TMEM65: variants seen among roughly 807,000 people sequenced by gnomAD.
The protein encoded by TMEM65 is transmembrane protein 65.
A neutral mutation model predicts 25.4 loss-of-function variants in TMEM65; 22 were observed. The ratio of observed to expected loss-of-function variants is 0.86; its 90% CI spans 0.62 to 1.23. The LOEUF (loss-of-function observed/expected upper bound fraction) is 1.23, where lower values mean the gene tolerates loss of function less well. Ranked by LOEUF, TMEM65 falls within the 50% of genes most tolerant of loss-of-function variation. The pLI is 0.00. For synonymous variants in TMEM65, 132 were observed against 126.2 expected (o/e 1.05, Z -0.31); for missense variants, 262 against 308.2 (o/e 0.85, Z 1.12).
intron 6 of TMEM65, among the ~76,000 whole-genome samples, chr8:124,315,498 T>G (rs1463397728): frequency 6.6e-6 from 1 of 152,006 alleles, no homozygotes; most frequent in East Asian, 1.9e-4. Flanking sequence ...ATTTTTTGTA[T>G]TTTTAGTAGA....
intron 1 of TMEM65, among the ~76,000 whole-genome samples, chr8:124,342,869 T>A (rs1221059026): frequency 4.6e-5 from 7 of 152,176 alleles, no homozygotes; most frequent in Non-Finnish European, 1.0e-4. Flanking sequence ...TAATGAATCA[T>A]TTGACCACTT....
chr8:124,358,761 G>C (rs1029973108), intron 1 of TMEM65, among the ~76,000 whole-genome samples: 1 of 152,112 alleles, frequency 6.6e-6, no homozygotes, highest in Non-Finnish European at 1.5e-5. Flanking sequence ...TTAACAGATG[G>C]TGTCAGAAGT....
chr8:124,352,532 TAAAA>T (rs1285235573), intron 1 of TMEM65, among the ~76,000 whole-genome samples: 5 of 134,540 alleles, frequency 3.7e-5, no homozygotes, highest in Admixed American at 7.1e-5. Context: ...TAAAATAAAA[TAAAA>T]TAAAAATACA....
At chr8:124,369,659 ATTG>A (rs1225845511) in intron 1 of TMEM65, among the ~76,000 whole-genome samples, 2 of 152,214 alleles carry the variant, frequency 1.3e-5, no homozygotes, top group Non-Finnish European at 1.5e-5. Context: ...CTGGAAAAAA[ATTG>A]TTGATTTCAG....
rs1056233182 is a variant in TMEM65, at chr8:124,336,443, A to G, written c.305-5651T>C. Among the ~76,000 whole-genome samples the G allele has an allele frequency of 3.9e-5, 6 of 152,188 alleles. No homozygotes were observed. The South Asian group carries it at 1.2e-3, about 31-fold the overall frequency. On this transcript the variant is annotated intron_variant, in intron 1 of 6. Coordinates refer to ENST00000297632, the MANE Select transcript of TMEM65 (RefSeq NM_194291.3). ...GTGCAGATGGCACATTCCTCAAAAT[A>G]GAACATATGCTGATCCACAAAACAT...
At chr8:124,323,832 T>C (rs1462515811) in intron 3 of TMEM65, among the ~76,000 whole-genome samples, 12 of 152,090 alleles carry the variant, frequency 7.9e-5, no homozygotes, top group Admixed American at 7.2e-4. Context: ...ATTATCCTTA[T>C]AACACTTAGC....
intron 3 of TMEM65, among the ~76,000 whole-genome samples, chr8:124,326,983 G>A (rs1814372820): frequency 6.6e-6 from 1 of 151,768 alleles, no homozygotes; most frequent in African/African-American, 2.4e-5. Context: ...AATTGAACAA[G>A]GAACTAAATC....
chr8:124,334,333 TA>T (rs1185151294), intron 1 of TMEM65, among the ~76,000 whole-genome samples: 1 of 152,018 alleles, frequency 6.6e-6, no homozygotes, highest in East Asian at 1.9e-4. Context: ...AAGGAGCAAT[TA>T]AAATTGTATT....
chr8:124,361,541 G>A (rs1814861235), intron 1 of TMEM65, among the ~76,000 whole-genome samples: 1 of 145,068 alleles, frequency 6.9e-6, no homozygotes, highest in African/African-American at 2.5e-5. Context: ...TTAAAAAAAA[G>A]CAAGATTTTG....
In TMEM65 at chr8:124,326,371, A is replaced by C. The variant is rs533449460; in HGVS notation, c.417+983T>G. On this transcript the variant is annotated intron_variant, in intron 3 of 6. Coordinates refer to ENST00000297632, the MANE Select transcript of TMEM65 (RefSeq NM_194291.3). The stretch of plus-strand genomic sequence containing the variant: ...TTGCCATAATAACTGGACTGTGATC[A>C]ATCTATTTTACTTGGACAAAATAAG... Among the ~76,000 whole-genome samples, 3 of 152,214 alleles carry C rather than the reference A, an allele frequency of 2.0e-5. No homozygotes were observed. In the South Asian group the frequency reaches 6.2e-4, roughly 32 times the overall value.
intron 3 of TMEM65, among the ~76,000 whole-genome samples, chr8:124,324,501 A>G (rs1814344052): frequency 6.6e-6 from 1 of 152,108 alleles, no homozygotes; most frequent in African/African-American, 2.4e-5. Context: ...AAAAGGTAAA[A>G]ACAGGCAGAG....
chr8:124,369,714 C>T (rs1041601248), intron 1 of TMEM65, among the ~76,000 whole-genome samples: 2 of 152,150 alleles, frequency 1.3e-5, no homozygotes, highest in Admixed American at 1.3e-4. Flanking sequence ...AATAAAATCC[C>T]TTTTACCTTA....
chr8:124,361,307 C>T (rs1348850389), intron 1 of TMEM65, among the ~76,000 whole-genome samples: 1 of 151,686 alleles, frequency 6.6e-6, no homozygotes, highest in Non-Finnish European at 1.5e-5. Context: ...TAGTGGTGGG[C>T]GCCTGTAATC....
At chr8:124,353,640 G>C (rs1165066222) in intron 1 of TMEM65, among the ~76,000 whole-genome samples, 3 of 152,080 alleles carry the variant, frequency 2.0e-5, no homozygotes, top group Non-Finnish European at 2.9e-5. Flanking sequence ...TCTAAGGCTA[G>C]GGCAGCAAAA....
intron 3 of TMEM65, among the ~76,000 whole-genome samples, chr8:124,326,735 C>T (rs1814370227): frequency 2.0e-5 from 3 of 151,910 alleles, no homozygotes. Context: ...TATTGGTATC[C>T]ATTAGCAGGC....
chr8:124,353,152 T>C (rs114978037), intron 1 of TMEM65, among the ~76,000 whole-genome samples: 2,511 of 151,004 alleles, frequency 0.017, 69 homozygotes, highest in African/African-American at 0.058. Flanking sequence ...AAAGAACCAG[T>C]TGGTTGAGAC....
intron 2 of TMEM65, among the ~76,000 whole-genome samples, chr8:124,330,343 TACAA>T (rs1814415303): frequency 6.6e-6 from 1 of 151,914 alleles, no homozygotes; most frequent in Admixed American, 6.6e-5. Context: ...TTTTCATTCT[TACAA>T]ACAGCCAGCC....
At chr8:124,338,133 A>T (rs1431027196) in intron 1 of TMEM65, among the ~76,000 whole-genome samples, 1 of 152,082 alleles carries the variant, frequency 6.6e-6, no homozygotes. Flanking sequence ...ATATACACAA[A>T]ACTGTATTCT....
intron 1 of TMEM65, among the ~76,000 whole-genome samples, chr8:124,339,911 C>G (rs1255838036): frequency 1.3e-5 from 2 of 151,800 alleles, no homozygotes; most frequent in Non-Finnish European, 2.9e-5. Flanking sequence ...ATTACAGTGG[C>G]CACAATAGGG....
Sources: allele counts gnomAD v4.1 joint callset (sites outside exome capture counted in the v4.1 genomes callset), GRCh38; gene constraint gnomAD v4.1.1; transcripts MANE v1.5; gene names NCBI Gene and HGNC (gene_info 2026-07-23, HGNC 2026-07-21).